ARHGEF37: variants seen among roughly 807,000 people sequenced by gnomAD.
The protein encoded by ARHGEF37 is Rho guanine nucleotide exchange factor 37, also known as Rho guanine nucleotide exchange factor (GEF) 37.
ARHGEF37 carries 55 observed loss-of-function variants against 71.1 expected under a neutral mutation model. That is an observed-to-expected ratio of 0.77 (90% CI 0.62 to 0.97). ARHGEF37 has a LOEUF of 0.97. ARHGEF37 is among the 50% of genes least tolerant of loss of function. ARHGEF37 has a pLI of 0.00. For synonymous variants in ARHGEF37, 327 were observed against 350.6 expected, an observed-to-expected ratio of 0.93 and a Z score of 0.75; for missense variants, 765 against 836.8, an observed-to-expected ratio of 0.91 and a Z score of 1.06.
rs1330344815 is a variant in ARHGEF37 at position 149,618,916 on chromosome 5, C to T, written c.790-22C>T. The T allele has an allele frequency of 1.9e-6, 3 of 1,587,628 alleles. No individual in the cohort carries two copies. In the African/African-American group the frequency reaches 4.0e-5, roughly 21 times the overall value. ...ACTGCCCCCATGTGGATATTCTCAA[C>T]CCTCACACACATTACTTTCAGACAG... On this transcript the variant is annotated intron_variant, in intron 6 of 12. Transcript: ENST00000333677.
chr5:149,562,472 G>A (rs1309001259), intron 1 of ARHGEF37, among the ~76,000 whole-genome samples: 3 of 151,656 alleles, frequency 2.0e-5, no homozygotes, highest in African/African-American at 4.8e-5. Flanking sequence ...TTTTTGAGAC[G>A]GAGTCTCGCT....
At position 149,632,352 on chromosome 5, in the gene ARHGEF37, C is replaced by T; in HGVS notation, c.*161C>T. 2 of 744,982 alleles carry T rather than the reference C, an allele frequency of 2.7e-6. No individual in the cohort carries two copies. The highest frequency in any genetic ancestry group is 2.1e-6 in the Non-Finnish European group (1 of 465,272). The allele number at this position is 744,982 out of a possible 1,614,324, so 46.1% of individuals were successfully genotyped here. A position where few individuals can be genotyped will look rare whatever the true frequency, so the allele number is the denominator to read the frequency against. ...GCAGCCAGAAGACATGGGCGGGCCT[C>T]GCAGAGTGCTTGGTGTGGTGGGGGC... On this transcript the variant is annotated 3_prime_UTR_variant, in exon 13 of 13. Transcript: ENST00000333677.
rs147001365 is a variant in ARHGEF37 at position 149,556,728 on chromosome 5, G to A, written c.-12+4605G>A. ...AGTAGAGATGGAGTTTCTCCGTGTT[G>A]ACCAGGCTGGTCTCAAACTCCTGAC... On this transcript the variant is annotated intron_variant, in intron 1 of 2. Coordinates refer to the ARHGEF37 transcript ENST00000505810. Among the ~76,000 whole-genome samples the A allele has an allele frequency of 2.7e-3, 413 of 152,196 alleles. 3 individuals are homozygous for A. Among genetic ancestry groups the A allele is most frequent in the African/African-American group, 9.3e-3 (388 of 41,528 alleles).
upstream of ARHGEF37, among the ~76,000 whole-genome samples, chr5:149,581,047 T>A (rs369032730): frequency 2.6e-5 from 4 of 152,152 alleles, no homozygotes; most frequent in South Asian, 6.2e-4. Context: ...CCGACTTGGC[T>A]AAGGTTGTGC....
intron 12 of ARHGEF37, among the ~76,000 whole-genome samples, chr5:149,629,698 T>A (rs753292492): frequency 6.6e-6 from 1 of 152,190 alleles, no homozygotes; most frequent in Non-Finnish European, 1.5e-5. Flanking sequence ...GACAAGGGTG[T>A]CAGTCTCAGT....
intron 1 of ARHGEF37, among the ~76,000 whole-genome samples, chr5:149,557,069 C>T (rs1762765351): frequency 1.3e-5 from 2 of 152,112 alleles, no homozygotes; most frequent in Admixed American, 6.6e-5. Flanking sequence ...CAGTGTTTTG[C>T]GGTGGCTAGG....
intron 7 of ARHGEF37, 138 bp from the exon 8 acceptor site, chr5:149,620,216 A>T (rs1752498424): frequency 1.8e-6 from 1 of 562,124 alleles, no homozygotes; most frequent in Non-Finnish European, 3.2e-6. Flanking sequence ...GTGAGAATAG[A>T]ATCAGCTGTG....
rs1194674118 is a variant in ARHGEF37, at chr5:149,634,670, A to G, written c.*2479A>G. 6.6e-6 allele frequency: 1 copy of G among 152,588 alleles called. No individual in the cohort carries two copies. Among genetic ancestry groups the G allele is most frequent in the South Asian group, 2.1e-4 (1 of 4,828 alleles). 9.5% of individuals were successfully genotyped at this position (152,588 alleles called of 1,614,324 possible). On this transcript the variant is annotated 3_prime_UTR_variant, in exon 13 of 13. Coordinates refer to ENST00000333677, the MANE Select transcript of ARHGEF37 (RefSeq NM_001001669.3). ...TTTCCCTCTCCAAATGCCTAGAACC[A>G]TGGCACTGTGTCTTATTTATTTAAC...
At chr5:149,557,547 A>G (rs1580877751) in intron 1 of ARHGEF37, among the ~76,000 whole-genome samples, 2 of 151,904 alleles carry the variant, frequency 1.3e-5, no homozygotes, top group South Asian at 4.2e-4. Flanking sequence ...TAGTGTGATC[A>G]TGGCTCACTG....
chr5:149,629,704 T>C (rs926145913), intron 12 of ARHGEF37, among the ~76,000 whole-genome samples: 11 of 152,232 alleles, frequency 7.2e-5, no homozygotes, highest in African/African-American at 2.7e-4. Flanking sequence ...GGTGTCAGTC[T>C]CAGTCTTTCT....
chr5:149,614,693 C>T (rs1025576326), intron 4 of ARHGEF37, among the ~76,000 whole-genome samples: 9 of 152,210 alleles, frequency 5.9e-5, no homozygotes, highest in Non-Finnish European at 1.2e-4. Flanking sequence ...CCCCAGGACA[C>T]CCTTGGTGAG....
chr5:149,585,800 T>G (rs953368009), intron 1 of ARHGEF37, among the ~76,000 whole-genome samples: 1 of 152,236 alleles, frequency 6.6e-6, no homozygotes, highest in African/African-American at 2.4e-5. Context: ...ATTACAAGTG[T>G]GAGCCACTGT....
chr5:149,633,510 C>A lies in ARHGEF37; in HGVS notation c.*1319C>A, dbSNP rs1226421933. 6.6e-6 allele frequency: 1 copy of A among 152,268 alleles called. No individual in the cohort carries two copies. Among genetic ancestry groups the A allele is most frequent in the East Asian group, 1.9e-4 (1 of 5,196 alleles). 9.4% of individuals were successfully genotyped at this position (152,268 alleles called of 1,614,324 possible). ...AAAAACAGTTCCTGTTCAAGGAGGA[C>A]TGACCTGCTGGGGCAATGTTGGGTG... On this transcript the variant is annotated 3_prime_UTR_variant, in exon 13 of 13. Transcript: ENST00000333677.
chr5:149,628,091 A>G (rs995973585), intron 11 of ARHGEF37, among the ~76,000 whole-genome samples: 1 of 152,244 alleles, frequency 6.6e-6, no homozygotes, highest in Non-Finnish European at 1.5e-5. Context: ...CAGCACTTCC[A>G]TGACTTAAGG....
At chr5:149,628,080 A>G (rs1175099264) in intron 11 of ARHGEF37, among the ~76,000 whole-genome samples, 2 of 152,224 alleles carry the variant, frequency 1.3e-5, no homozygotes, top group African/African-American at 4.8e-5. Context: ...AAATCATGAA[A>G]CAGCACTTCC....
chr5:149,622,491 T>C (rs1752575638), intron 9 of ARHGEF37, among the ~76,000 whole-genome samples: 1 of 152,210 alleles, frequency 6.6e-6, no homozygotes, highest in Admixed American at 6.5e-5. Flanking sequence ...AGGATGTACC[T>C]GTTTGGAGCA....
chr5:149,568,176 A>G (rs1239609179), intron 1 of ARHGEF37, among the ~76,000 whole-genome samples: 1 of 151,970 alleles, frequency 6.6e-6, no homozygotes. Flanking sequence ...GTGCACCACC[A>G]CGCCTGGCTA....
chr5:149,594,758 T>C (rs1763500364), intron 1 of ARHGEF37, among the ~76,000 whole-genome samples: 1 of 152,128 alleles, frequency 6.6e-6, no homozygotes, highest in South Asian at 2.1e-4. Context: ...ATTTTAACCA[T>C]CCAGAAAATA....
At chr5:149,609,342 C>G (rs1764005414) in intron 3 of ARHGEF37, among the ~76,000 whole-genome samples, 1 of 152,148 alleles carries the variant, frequency 6.6e-6, no homozygotes, top group Non-Finnish European at 1.5e-5. Flanking sequence ...GTATATCATT[C>G]TGTCACTCAA....
Sources: gnomAD v4.1 joint callset for allele counts (sites outside exome capture counted in the v4.1 genomes callset) on GRCh38, gnomAD v4.1.1 for gene constraint, MANE v1.5 for transcripts, NCBI Gene and HGNC (gene_info 2026-07-23, HGNC 2026-07-21) for gene names.